Variants in PDE4C observed in about 807,000 individuals in gnomAD.
PDE4C encodes the protein phosphodiesterase 4C, also known as 3',5'-cyclic-AMP phosphodiesterase 4C.
In PDE4C, 50 loss-of-function variants were observed where a neutral mutation model predicts 63.9. The observed-to-expected ratio is 0.78, with a 90% CI of 0.62 to 0.99. The LOEUF (loss-of-function observed/expected upper bound fraction) is 0.99, where lower values mean the gene tolerates loss of function less well. Among genes scored for constraint, PDE4C ranks in the 50% least tolerant of loss-of-function variants. PDE4C has a pLI of 0.00. For synonymous variants in PDE4C, 377 were observed against 385.1 expected (o/e 0.98, Z 0.25); for missense variants, 777 against 899.1 (o/e 0.86, Z 1.74).
chr19:18,213,157 A>G (rs1968036842), intron 13 of PDE4C, among the ~76,000 whole-genome samples: 1 of 151,242 alleles, frequency 6.6e-6, no homozygotes, highest in Non-Finnish European at 1.5e-5. Flanking sequence ...GGTGCCGGGC[A>G]CCTGTAATCC....
chr19:18,211,350 C>G, intron 14 of PDE4C, 74 bp from the exon 15 acceptor site: 7 of 1,307,516 alleles, frequency 5.4e-6, no homozygotes, highest in Non-Finnish European at 7.3e-6. Flanking sequence ...GCCTCCAGAT[C>G]TTTAGCCAAG....
upstream of PDE4C, among the ~76,000 whole-genome samples, chr19:18,231,452 G>A (rs531952353): frequency 6.6e-6 from 1 of 152,312 alleles, no homozygotes; most frequent in African/African-American, 2.4e-5. Flanking sequence ...AAGCCGGGGC[G>A]GGAGAAGGGG....
In PDE4C at chr19:18,211,663, A is replaced by G. The variant is rs950810210; in HGVS notation, c.1695+96T>C. On this transcript the variant is annotated intron_variant, in intron 14 of 14. Transcript: ENST00000262805. ...CACCCTTCAGGCACACTCCCTGGCTAGCCAGCCAGGGCCAAACCAGGGCTC... is the reference window on the plus strand; with the variant it reads ...CACCCTTCAGGCACACTCCCTGGCTGGCCAGCCAGGGCCAAACCAGGGCTC... 3 of 1,388,004 alleles carry G rather than the reference A, an allele frequency of 2.2e-6. No homozygotes were observed. The African/African-American group carries it at 4.2e-5, about 20-fold the overall frequency. 86.0% of individuals were successfully genotyped at this position (1,388,004 alleles called of 1,614,324 possible).
At chr19:18,215,536 A>G (rs1455053642) in intron 12 of PDE4C, among the ~76,000 whole-genome samples, 1 of 149,388 alleles carries the variant, frequency 6.7e-6, no homozygotes, top group African/African-American at 2.5e-5. Context: ...TTTTTTTTTG[A>G]GACAGAGTCT....
chr19:18,244,507 T>A (rs1969097698), intron 1 of PDE4C, among the ~76,000 whole-genome samples: 1 of 151,904 alleles, frequency 6.6e-6, no homozygotes, highest in African/African-American at 2.4e-5. Flanking sequence ...TTGTTGTTGT[T>A]GTTTGTTTTG....
At chr19:18,253,514 G>A in the PDE4C span, among the ~76,000 whole-genome samples, 1 of 149,082 alleles carries the variant, frequency 6.7e-6, no homozygotes, top group Admixed American at 6.7e-5. Context: ...TCATGCCACT[G>A]AACTCCAGCC....
intron 1 of PDE4C, among the ~76,000 whole-genome samples, chr19:18,241,247 C>T (rs368979506): frequency 7.7e-6 from 1 of 129,550 alleles, no homozygotes; most frequent in African/African-American, 2.9e-5. Flanking sequence ...TTTCTTTTTT[C>T]TTCTCTTGTT....
chr19:18,232,696 GCGCA>G (rs1032047381), intron 1 of PDE4C, among the ~76,000 whole-genome samples: 85 of 138,692 alleles, frequency 6.1e-4, no homozygotes, highest in African/African-American at 2.1e-3. Context: ...ACGCGCGCGC[GCGCA>G]CACACACACA....
Position 18,211,822 on chromosome 19 carries a change from AC to A in PDE4C, c.1631del (p.Arg544LeufsTer85). 6.2e-7 allele frequency: 1 copy of A among 1,614,092 alleles called. No homozygotes were observed. Among genetic ancestry groups the A allele is most frequent in the Non-Finnish European group, 8.5e-7 (1 of 1,180,008 alleles). ...TGGGACTGATGTCCAGGCCCGACTCACGCTCGCGGTCTCCCTGCTGGAAGAA... is the reference window on the plus strand; with the variant it reads ...TGGGACTGATGTCCAGGCCCGACTCAGCTCGCGGTCTCCCTGCTGGAAGAA... On this transcript the variant is annotated frameshift_variant, in exon 14 of 15. Transcript: ENST00000262805. LOFTEE classifies it high-confidence loss of function.
exon 11 of PDE4C, chr19:18,218,177 C>T: frequency 1.9e-6 from 3 of 1,614,172 alleles, no homozygotes; most frequent in Non-Finnish European, 2.5e-6. Flanking sequence ...GGTTGGAGAC[C>T]CCAGGATGGT....
upstream of PDE4C, chr19:18,250,234 T>G (rs561288238): frequency 2.6e-4 from 103 of 398,962 alleles, no homozygotes; most frequent in East Asian, 3.6e-3. Context: ...GCAGCCCAGG[T>G]TGGCCCTGCT....
upstream of PDE4C, among the ~76,000 whole-genome samples, chr19:18,236,185 C>T (rs1408748150): frequency 1.3e-5 from 2 of 152,090 alleles, no homozygotes; most frequent in South Asian, 2.1e-4. Context: ...CCTCGTGATC[C>T]ACCCACCTTG....
chr19:18,213,994 C>G (rs917604184), intron 12 of PDE4C, among the ~76,000 whole-genome samples: 5 of 152,204 alleles, frequency 3.3e-5, no homozygotes, highest in Non-Finnish European at 7.3e-5. Context: ...CGCCGTGGCT[C>G]ACGCCTGTAA....
chr19:18,248,790 G>A (rs1051686485), upstream of PDE4C, among the ~76,000 whole-genome samples: 7 of 151,892 alleles, frequency 4.6e-5, no homozygotes, highest in Admixed American at 2.0e-4. Flanking sequence ...TTTGGGAGGC[G>A]GAGGCGGGTG....
chr19:18,222,705 T>C (rs551684257), intron 1 of PDE4C, among the ~76,000 whole-genome samples: 3,099 of 130,776 alleles, frequency 0.024, 60 homozygotes, highest in African/African-American at 0.028. Flanking sequence ...CTTTTCTTTT[T>C]TTTTTTTTTT....
chr19:18,241,547 G>A (rs547221040), intron 1 of PDE4C, among the ~76,000 whole-genome samples: 66 of 147,514 alleles, frequency 4.5e-4, no homozygotes, highest in African/African-American at 1.6e-3. Context: ...GATTACAGGC[G>A]TGAGCCACCG....
downstream of PDE4C, chr19:18,208,982 A>G (rs1016659850): frequency 1.3e-5 from 2 of 152,264 alleles, no homozygotes; most frequent in Non-Finnish European, 2.9e-5. Context: ...TTCTGCGGAC[A>G]GAGAAAGCAG....
At chr19:18,231,983 G>A (rs1968857622) in intron 1 of PDE4C, among the ~76,000 whole-genome samples, 1 of 151,952 alleles carries the variant, frequency 6.6e-6, no homozygotes, top group South Asian at 2.1e-4. Context: ...GCAGGGTGGG[G>A]TGAGGGAGTG....
chr19:18,218,413 T>A (rs113176090), exon 10 of PDE4C: 1 of 1,614,236 alleles, frequency 6.2e-7, no homozygotes, highest in South Asian at 1.1e-5. Flanking sequence ...GTAGGCCACA[T>A]TGGCGTGGTA....
Sources: allele counts gnomAD v4.1 joint callset (sites outside exome capture counted in the v4.1 genomes callset), GRCh38; gene constraint gnomAD v4.1.1; transcripts MANE v1.5; gene names NCBI Gene and HGNC (gene_info 2026-07-23, HGNC 2026-07-21).